Variants in ANK3 observed in about 807,000 individuals in gnomAD.
ANK3 encodes the protein ankyrin-3.
In ANK3, 57 loss-of-function variants were observed where a neutral mutation model predicts 370.9. That is an observed-to-expected ratio of 0.15 (90% CI 0.12 to 0.19). ANK3 has a LOEUF of 0.19. Among genes scored for constraint, ANK3 ranks in the 10% least tolerant of loss-of-function variants. The pLI is 1.00. For missense variants in ANK3, 4,439 were observed against 5,302.1 expected (o/e 0.84, Z 5.06); for synonymous variants, 1,929 against 1,946.3 (o/e 0.99, Z 0.23).
chr10:60,624,335 C>T (rs2078379474), intron 1 of ANK3, among the ~76,000 whole-genome samples: 2 of 152,078 alleles, frequency 1.3e-5, no homozygotes, highest in Non-Finnish European at 2.9e-5. Context: ...ACTCTGCACA[C>T]CAAGGCTTGG....
intron 2 of ANK3, among the ~76,000 whole-genome samples, chr10:60,603,541 T>G (rs2078092593): frequency 6.6e-6 from 1 of 152,180 alleles, no homozygotes; most frequent in Non-Finnish European, 1.5e-5. Flanking sequence ...CTGTTTCATT[T>G]CTTCAAATAA....
At chr10:60,616,545 T>C (rs1337561960) in intron 1 of ANK3, among the ~76,000 whole-genome samples, 2 of 152,182 alleles carry the variant, frequency 1.3e-5, no homozygotes, top group African/African-American at 2.4e-5. Flanking sequence ...GTGGTCTTGA[T>C]AGTTGCATCC....
At chr10:60,663,672 T>C (rs2078963721) in intron 1 of ANK3, among the ~76,000 whole-genome samples, 1 of 152,194 alleles carries the variant, frequency 6.6e-6, no homozygotes, top group Middle Eastern at 3.2e-3. Context: ...AATACTCAAA[T>C]GAGAACTTAT....
chr10:60,134,387 A>T lies in ANK3; in HGVS notation c.2739-14T>A. 6.2e-7 allele frequency: 1 copy of T among 1,601,052 alleles called. No homozygotes were observed. Among genetic ancestry groups the T allele is most frequent in the African/African-American group, 1.3e-5 (1 of 74,596 alleles). On this transcript the variant is annotated splice_polypyrimidine_tract_variant and intron_variant, in intron 24 of 43. Transcript: ENST00000280772. ...AAGGAGCGGAGGCTGTTGTATTTAC[A>T]GTTAACCATTCAACAGTGGTAGATG... is the stretch of plus-strand genomic sequence containing the variant.
intron 25 of ANK3, among the ~76,000 whole-genome samples, chr10:60,123,847 G>T (rs555532716): frequency 6.6e-6 from 1 of 152,306 alleles, no homozygotes; most frequent in African/African-American, 2.4e-5. Flanking sequence ...GGCTATCAGG[G>T]ATAACTTCAC....
chr10:60,316,283 T>C (rs2047390385), intron 1 of ANK3, among the ~76,000 whole-genome samples: 1 of 152,160 alleles, frequency 6.6e-6, no homozygotes, highest in South Asian at 2.1e-4. Context: ...TAGGTAAATG[T>C]ATGACACCTT....
At chr10:60,415,929 C>A in intron 2 of ANK3, among the ~76,000 whole-genome samples, 1 of 131,196 alleles carries the variant, frequency 7.6e-6, no homozygotes, top group Middle Eastern at 3.6e-3. Context: ...CCCCACCCCC[C>A]CGCCATTCAT....
chr10:60,586,907 G>T (rs1015943721), intron 2 of ANK3, among the ~76,000 whole-genome samples: 1 of 152,040 alleles, frequency 6.6e-6, no homozygotes, highest in Admixed American at 6.6e-5. Flanking sequence ...AAGGCTTCTG[G>T]GTCTGCAAAT....
chr10:60,094,621 G>A (rs947534493), intron 28 of ANK3, among the ~76,000 whole-genome samples: 2 of 152,048 alleles, frequency 1.3e-5, no homozygotes, highest in African/African-American at 4.8e-5. Flanking sequence ...ATATTCTTTT[G>A]TAAAGAAAGG....
In ANK3 at chr10:60,549,140, T is replaced by TACACAC. The variant is rs3047236; in HGVS notation, c.96+66040_96+66045dup. On this transcript the variant is annotated intron_variant, in intron 2 of 43. Transcript: ENST00000373827. ...ATGAGTGAGAGAAGGGCATGTTTCATACACACACACACACACACACACACA... is the reference window on the plus strand; with the variant it reads ...ATGAGTGAGAGAAGGGCATGTTTCATACACACACACACACACACACACACACACACA... 5.2e-3 allele frequency among the ~76,000 whole-genome samples: 763 copies of TACACAC among 145,630 alleles called. 4 individuals are homozygous for TACACAC. The highest frequency in any genetic ancestry group is 6.5e-3 in the Non-Finnish European group (428 of 66,044).
intron 2 of ANK3, among the ~76,000 whole-genome samples, chr10:60,582,695 C>T (rs567812164): frequency 1.3e-5 from 2 of 150,000 alleles, no homozygotes; most frequent in Admixed American, 6.7e-5. Context: ...ATATTGATTC[C>T]TTCTACATTT....
At chr10:60,598,534 A>G (rs1333242772) in intron 2 of ANK3, among the ~76,000 whole-genome samples, 2 of 152,248 alleles carry the variant, frequency 1.3e-5, no homozygotes, top group Non-Finnish European at 2.9e-5. Context: ...GTATAAAATT[A>G]AACTCCAAGT....
Position 60,056,006 on chromosome 10 carries a change from T to C in ANK3, c.12717A>G (p.Ser4239=). 2.5e-6 allele frequency: 4 copies of C among 1,613,548 alleles called. No homozygotes were observed. Among genetic ancestry groups the C allele is most frequent in the Non-Finnish European group, 3.4e-6 (4 of 1,179,934 alleles). Residue 4239 remains serine, a synonymous_variant, in exon 42 of 44, where the codon TCA becomes TCG. Transcript: ENST00000280772. ...SPDQCRDSIT[S]YLKGEAGKFE... ...ATTTGCCAGCTTCTCCTTTGAGATATGAGGTAATGGAATCTCTACACTGGT... is the reference window on the plus strand; with the variant it reads ...ATTTGCCAGCTTCTCCTTTGAGATACGAGGTAATGGAATCTCTACACTGGT...
At chr10:60,296,282 T>C (rs563406721) in intron 1 of ANK3, among the ~76,000 whole-genome samples, 1 of 152,188 alleles carries the variant, frequency 6.6e-6, no homozygotes, top group African/African-American at 2.4e-5. Context: ...CTTAAGGTCC[T>C]TAGAAATGAC....
At chr10:60,689,803 AT>A (rs2079324960) in intron 1 of ANK3, among the ~76,000 whole-genome samples, 1 of 151,922 alleles carries the variant, frequency 6.6e-6, no homozygotes, top group Non-Finnish European at 1.5e-5. Flanking sequence ...TGTAATTTAT[AT>A]TTATATAGAT....
intron 2 of ANK3, among the ~76,000 whole-genome samples, chr10:60,537,137 T>G (rs928546860): frequency 6.6e-6 from 1 of 152,058 alleles, no homozygotes; most frequent in Non-Finnish European, 1.5e-5. Context: ...AGAGGGAGGA[T>G]TTTAAATTCC....
In ANK3 at chr10:60,680,137, G is replaced by GAAAAAA. The variant is rs10641945; in HGVS notation, c.57+53120_57+53125dup. On this transcript the variant is annotated intron_variant, in intron 1 of 43. Coordinates refer to the ANK3 transcript ENST00000373827. Reference sequence around the variant, plus strand: ...GAGACATAGTGAGGCTCTGTCTCGGGAAAAAAAAAAAAAGGAAAGAAAGAA... The same window carrying GAAAAAA: ...GAGACATAGTGAGGCTCTGTCTCGGGAAAAAAAAAAAAAAAAAAAGGAAAGAAAGAA... Among the ~76,000 whole-genome samples the GAAAAAA allele has an allele frequency of 7.6e-4, 98 of 128,398 alleles. 1 individual carries two copies. The highest frequency in any genetic ancestry group is 4.0e-3 in the Middle Eastern group (1 of 250). 84.2% of individuals were successfully genotyped at this position (128,398 alleles called of 152,430 possible).
At chr10:60,309,367 A>T (rs1393287799) in intron 1 of ANK3, among the ~76,000 whole-genome samples, 6 of 152,230 alleles carry the variant, frequency 3.9e-5, no homozygotes, top group Admixed American at 3.9e-4. Context: ...TTATGAAATG[A>T]TTACTTTTTT....
At chr10:60,234,643 C>T in intron 8 of ANK3, 45 bp downstream of exon 8, 1 of 1,177,884 alleles carries the variant, frequency 8.5e-7, no homozygotes, top group Non-Finnish European at 1.3e-6. Context: ...AGTATTCCTA[C>T]TTCCTGAATA....
Sources: gnomAD v4.1 joint callset for allele counts (sites outside exome capture counted in the v4.1 genomes callset) on GRCh38, gnomAD v4.1.1 for gene constraint, MANE v1.5 for transcripts, NCBI Gene and HGNC (gene_info 2026-07-23, HGNC 2026-07-21) for gene names.